MCC: variants seen among roughly 807,000 people sequenced by gnomAD.
MCC encodes the protein colorectal mutant cancer protein.
MCC carries 90 observed loss-of-function variants against 116.2 expected under a neutral mutation model. The ratio of observed to expected loss-of-function variants is 0.77; its 90% CI spans 0.65 to 0.92. The LOEUF is 0.92. Among genes scored for constraint, MCC ranks in the 40% least tolerant of loss-of-function variants. The pLI, the probability that MCC is intolerant of heterozygous loss-of-function variation, is 0.00. For synonymous variants in MCC, 578 were observed against 510.5 expected (o/e 1.13, Z -1.78); for missense variants, 1,516 against 1,312.2 (o/e 1.16, Z -2.40).
In MCC at chr5:113,426,867, C is replaced by T. The variant is rs868414254; in HGVS notation, c.171-41655G>A. On this transcript the variant is annotated intron_variant, in intron 1 of 18. Transcript: ENST00000408903. ...ACTTAAAATTCACTCCTCTATAATG[C>T]GATGGGAGTGCAAAATGAGTTCAAA... Among the ~76,000 whole-genome samples, 4 of 152,064 alleles carry T rather than the reference C, an allele frequency of 2.6e-5. No individual in the cohort carries two copies. The South Asian group carries it at 6.2e-4, about 24-fold the overall frequency.
Position 113,340,715 on chromosome 5 carries a change from G to A in MCC, c.431C>T (p.Ala144Val). Reference sequence around the variant, plus strand: ...AGAGTCGTATTCCCAGCTCTCCCTGGCTGCTGATAAGGCACCTAAGTCCGA... The same window carrying A: ...AGAGTCGTATTCCCAGCTCTCCCTGACTGCTGATAAGGCACCTAAGTCCGA... ...SDNSLGALSA[A>V]RESWEYDSGA... Residue 144 changes from alanine (A) to valine (V), a missense_variant, in exon 3 of 19, where the codon GCC (alanine) becomes GTC (valine). Ala to Val is a moderately conservative substitution (Grantham distance 64). Coordinates refer to ENST00000408903, the MANE Select transcript of MCC (RefSeq NM_001085377.2). The A allele has an allele frequency of 6.2e-7, 1 of 1,613,380 alleles. No individual in the cohort carries two copies. The highest frequency in any genetic ancestry group is 1.1e-5 in the South Asian group (1 of 91,044).
At chr5:113,220,675 A>G (rs1763517671) in intron 3 of MCC, among the ~76,000 whole-genome samples, 1 of 152,216 alleles carries the variant, frequency 6.6e-6, no homozygotes, top group Non-Finnish European at 1.5e-5. Flanking sequence ...GGTATCTTGT[A>G]ACCATGTAAA....
chr5:113,070,999 G>A, intron 12 of MCC, 95 bp downstream of exon 12: 2 of 1,415,544 alleles, frequency 1.4e-6, no homozygotes, highest in South Asian at 1.5e-5. Context: ...TGCCAGATAT[G>A]CCTTCTAAAA....
intron 3 of MCC, among the ~76,000 whole-genome samples, chr5:113,327,643 T>G (rs1300415607): frequency 3.4e-5 from 5 of 148,418 alleles, no homozygotes; most frequent in Non-Finnish European, 1.5e-5. Context: ...CCAATTCTTT[T>G]GTGATCATAG....
At chr5:113,301,854 T>C (rs1766869574) in intron 3 of MCC, among the ~76,000 whole-genome samples, 1 of 152,320 alleles carries the variant, frequency 6.6e-6, no homozygotes, top group South Asian at 2.1e-4. Context: ...ATGAAAAAGA[T>C]CATGTCAGAG....
intron 1 of MCC, among the ~76,000 whole-genome samples, chr5:113,392,934 A>G (rs1769435625): frequency 6.6e-6 from 1 of 152,234 alleles, no homozygotes; most frequent in Non-Finnish European, 1.5e-5. Flanking sequence ...AAAGAAATGC[A>G]TCTACAATGT....
rs149644977 is a variant in MCC at position 113,173,793 on chromosome 5, CTTTAACATCTTA to C, written c.628-22383_628-22372del. On this transcript the variant is annotated intron_variant, in intron 3 of 18. Coordinates refer to ENST00000408903, the MANE Select transcript of MCC (RefSeq NM_001085377.2). The stretch of plus-strand genomic sequence containing the variant: ...AATCAAAGTGACCTAGAACATTTGT[CTTTAACATCTTA>C]TTTAGTATTTCAAACCCCAATTAGC... Among the ~76,000 whole-genome samples the C allele has an allele frequency of 5.2e-3, 797 of 152,266 alleles. 9 individuals carry two copies. Among genetic ancestry groups the C allele is most frequent in the African/African-American group, 0.018 (744 of 41,550 alleles).
In MCC at chr5:113,259,506, C is replaced by A. The variant is rs570663031; in HGVS notation, c.627+81013G>T. On this transcript the variant is annotated intron_variant, in intron 3 of 18. Coordinates refer to ENST00000408903, the MANE Select transcript of MCC (RefSeq NM_001085377.2). The stretch of plus-strand genomic sequence containing the variant: ...CATTTAACAGACCCATTATCATTTA[C>A]TAAAGAAAAAAAAATTAATTGGAAA... Among the ~76,000 whole-genome samples the A allele has an allele frequency of 1.8e-4, 27 of 152,038 alleles. 1 individual carries two copies. In the East Asian group the frequency reaches 5.0e-3, roughly 28 times the overall value.
intron 15 of MCC, among the ~76,000 whole-genome samples, chr5:113,050,027 A>C (rs1000530985): frequency 2.6e-4 from 39 of 152,338 alleles, no homozygotes; most frequent in South Asian, 1.7e-3. Context: ...AGTAACAATG[A>C]CAGCCAGTAG....
intron 1 of MCC, among the ~76,000 whole-genome samples, chr5:113,446,621 A>T (rs961400363): frequency 6.6e-6 from 1 of 152,212 alleles, no homozygotes; most frequent in African/African-American, 2.4e-5. Context: ...CTGTAGAGAA[A>T]AGGGGATGCT....
intron 17 of MCC, among the ~76,000 whole-genome samples, chr5:113,042,968 C>A (rs7706745): frequency 0.97 from 147,494 of 152,236 alleles, 71,482 homozygotes; most frequent in East Asian, 1. Flanking sequence ...GCTGCTGTAG[C>A]ACCCGGGGAA....
intron 3 of MCC, among the ~76,000 whole-genome samples, chr5:113,285,403 C>T (rs912987754): frequency 3.6e-5 from 5 of 140,384 alleles, no homozygotes; most frequent in South Asian, 2.3e-4. Flanking sequence ...TTCAGGCCTG[C>T]GTTGGAAACT....
intron 3 of MCC, among the ~76,000 whole-genome samples, chr5:113,233,175 T>C (rs1412851801): frequency 6.6e-6 from 1 of 152,132 alleles, no homozygotes; most frequent in Non-Finnish European, 1.5e-5. Flanking sequence ...GGAAACAAGC[T>C]TCTTTGAAAC....
At chr5:113,027,599 T>A (rs1045762048) in intron 18 of MCC, 117 bp from the exon 19 acceptor site, 2 of 918,944 alleles carry the variant, frequency 2.2e-6, no homozygotes, top group African/African-American at 3.3e-5. Context: ...AGATCACTCA[T>A]CCTCTTCGGT....
chr5:113,333,055 C>T (rs1406104966), intron 3 of MCC, among the ~76,000 whole-genome samples: 1 of 151,566 alleles, frequency 6.6e-6, no homozygotes, highest in Non-Finnish European at 1.5e-5. Flanking sequence ...AACAAAAAAA[C>T]TCCTCGGTAT....
intron 3 of MCC, among the ~76,000 whole-genome samples, chr5:113,229,313 C>T (rs952316027): frequency 2.0e-5 from 3 of 152,180 alleles, no homozygotes; most frequent in African/African-American, 4.8e-5. Context: ...TGAAAAAATA[C>T]TGCTGTTTCT....
At chr5:113,196,179 A>C (rs12187343) in intron 3 of MCC, among the ~76,000 whole-genome samples, 6,900 of 152,262 alleles carry the variant, frequency 0.045, 237 homozygotes, top group African/African-American at 0.091. Flanking sequence ...GTAATGGGAA[A>C]TATCTTCATT....
chr5:113,103,826 T>C (rs1319462721), intron 7 of MCC, among the ~76,000 whole-genome samples: 1 of 152,222 alleles, frequency 6.6e-6, no homozygotes, highest in Non-Finnish European at 1.5e-5. Flanking sequence ...GAAATCGTAT[T>C]CTAGAGGCCT....
intron 3 of MCC, among the ~76,000 whole-genome samples, chr5:113,195,192 G>T (rs2416314): frequency 0.66 from 99,781 of 152,094 alleles, 35,146 homozygotes; most frequent in Admixed American, 0.79. Flanking sequence ...CTCGTGAGGG[G>T]GTCGATCAAT....
Sources: allele counts gnomAD v4.1 joint callset (sites outside exome capture counted in the v4.1 genomes callset), GRCh38; gene constraint gnomAD v4.1.1; transcripts MANE v1.5; gene names NCBI Gene and HGNC (gene_info 2026-07-23, HGNC 2026-07-21).